GALNT5: variants seen among roughly 807,000 people sequenced by gnomAD.
GALNT5 encodes the protein UDP-GalNAc:polypeptide N-acetylgalactosaminyltransferase 5.
Under a neutral mutation model 85.4 loss-of-function variants are expected in GALNT5, and 72 were observed. That is an observed-to-expected ratio of 0.84 (90% CI 0.70 to 1.03). The LOEUF is 1.03. GALNT5 is among the 50% of genes least tolerant of loss of function. The pLI is 0.00. For missense variants in GALNT5, 1,137 were observed against 1,135.5 expected, an observed-to-expected ratio of 1.00 and a Z score of -0.02; for synonymous variants, 404 against 397.0, an observed-to-expected ratio of 1.02 and a Z score of -0.21.
At chr2:157,288,968 T>C (rs532329737) in intron 3 of GALNT5, among the ~76,000 whole-genome samples, 26 of 152,304 alleles carry the variant, frequency 1.7e-4, no homozygotes, top group Admixed American at 1.4e-3. Context: ...AGGACTGGTA[T>C]CTGAACAACT....
At chr2:157,263,727 A>T (rs778468477) in intron 1 of GALNT5, among the ~76,000 whole-genome samples, 18 of 152,232 alleles carry the variant, frequency 1.2e-4, no homozygotes, top group Non-Finnish European at 2.1e-4. Flanking sequence ...ATACTACTTT[A>T]AAAATAATCA....
At chr2:157,270,796 T>C (rs1574014250) in intron 1 of GALNT5, among the ~76,000 whole-genome samples, 1 of 152,062 alleles carries the variant, frequency 6.6e-6, no homozygotes, top group Non-Finnish European at 1.5e-5. Context: ...AACACAATAA[T>C]AGAGAATAAT....
chr2:157,305,825 A>G lies in GALNT5; in HGVS notation c.2516A>G (p.Lys839Arg). The G allele has an allele frequency of 6.3e-7, 1 of 1,581,292 alleles. No individual in the cohort carries two copies. The highest frequency in any genetic ancestry group is 8.7e-7 in the Non-Finnish European group (1 of 1,150,152). The change falls in exon 8 of 10, where the codon AAA (lysine) becomes AGA (arginine). Residue 839 changes from lysine (K) to arginine (R), a missense_variant. Lys to Arg is a conservative substitution (Grantham distance 26). Transcript: ENST00000259056. The part of the protein sequence containing the change: ...TVILEDCDGS[K>R]ELQQFNYTWL... The stretch of plus-strand genomic sequence containing the variant: ...ATTCTGGAAGACTGCGATGGGAGCA[A>G]AGAGGTATGCTAAACTGTTTTCTAT...
At chr2:157,260,152 C>T (rs1378171400) in intron 1 of GALNT5, among the ~76,000 whole-genome samples, 1 of 152,158 alleles carries the variant, frequency 6.6e-6, no homozygotes, top group African/African-American at 2.4e-5. Context: ...GTCAATCAGT[C>T]CATGACCAGC....
At position 157,318,110 on chromosome 2, in the gene GALNT5, TTC is replaced by T. The variant is rs1486355177; in HGVS notation, c.*6764_*6765del. On this transcript the variant is annotated 3_prime_UTR_variant, in exon 10 of 10. Coordinates refer to ENST00000259056, the MANE Select transcript of GALNT5 (RefSeq NM_014568.3). ...GCCTTTCTCATACTGTCAAACATAT[TTC>T]TTCTTTATTATACTCTGGTGCTTTA... Among the ~76,000 whole-genome samples the T allele has an allele frequency of 1.3e-5, 2 of 152,074 alleles. No individual in the cohort carries two copies. The highest frequency in any genetic ancestry group is 4.8e-5 in the African/African-American group (2 of 41,430).
intron 1 of GALNT5, among the ~76,000 whole-genome samples, chr2:157,272,942 T>C (rs1441280136): frequency 1.3e-5 from 2 of 152,200 alleles, no homozygotes; most frequent in Admixed American, 1.3e-4. Flanking sequence ...AACTGCCTTC[T>C]ACAGTGGCTA....
intron 1 of GALNT5, among the ~76,000 whole-genome samples, chr2:157,278,121 C>A (rs1188407934): frequency 6.6e-6 from 1 of 152,166 alleles, no homozygotes; most frequent in Non-Finnish European, 1.5e-5. Context: ...GTTGAAAGTT[C>A]TTTTCTTTAA....
Position 157,297,233 on chromosome 2 carries a change from C to A in GALNT5, c.1997+720C>A, listed in dbSNP as rs76424519. Among the ~76,000 whole-genome samples, 1,084 of 152,246 alleles carry A rather than the reference C, an allele frequency of 7.1e-3. 12 individuals carry two copies. The highest frequency in any genetic ancestry group is 0.025 in the African/African-American group (1,044 of 41,534). On this transcript the variant is annotated intron_variant, in intron 5 of 9. Transcript: ENST00000259056. The stretch of plus-strand genomic sequence containing the variant: ...GCCAAGCCCAGACCGTGCACCGAAG[C>A]GTGTTTTCCCCAAACTTACCCCTCA...
chr2:157,262,973 A>G (rs1046674453), intron 1 of GALNT5, among the ~76,000 whole-genome samples: 5 of 150,800 alleles, frequency 3.3e-5, no homozygotes, highest in South Asian at 2.1e-4. Flanking sequence ...GACTACAGGC[A>G]CCCGCCACCA....
At position 157,299,559 on chromosome 2, in the gene GALNT5, T is replaced by C; in HGVS notation, c.2009T>C (p.Met670Thr). 6.2e-7 allele frequency: 1 copy of C among 1,606,162 alleles called. No homozygotes were observed. The highest frequency in any genetic ancestry group is 8.5e-7 in the Non-Finnish European group (1 of 1,173,326). Residue 670 changes from methionine (M) to threonine (T), a missense_variant, in exon 6 of 10, where the codon ATG (methionine) becomes ACG (threonine). Coordinates refer to ENST00000259056, the MANE Select transcript of GALNT5 (RefSeq NM_014568.3). ...KETDTIRCPV[M>T]AGGLFSIDKS... ...TTTTCTTTTTGTAGGTGCCCTGTCA[T>C]GGCTGGTGGATTGTTTTCTATTGAC...
intron 1 of GALNT5, among the ~76,000 whole-genome samples, chr2:157,278,118 GTTCTT>G (rs1486492695): frequency 1.3e-5 from 2 of 152,116 alleles, no homozygotes; most frequent in African/African-American, 4.8e-5. Flanking sequence ...TGGGTTGAAA[GTTCTT>G]TTCTTTAAGA....
rs566209019 is a variant in GALNT5, at chr2:157,313,580, A to C, written c.*2232A>C. On this transcript the variant is annotated 3_prime_UTR_variant, in exon 10 of 10. Coordinates refer to ENST00000259056, the MANE Select transcript of GALNT5 (RefSeq NM_014568.3). ...GCCTCATGTAATTCTTCATGTAACT[A>C]AAAAATGTTGAGAGGTTTTTTTCCC... 1.3e-5 allele frequency: 2 copies of C among 152,226 alleles called. No individual in the cohort carries two copies. Among genetic ancestry groups the C allele is most frequent in the African/African-American group, 4.8e-5 (2 of 41,472 alleles). 9.4% of individuals were successfully genotyped at this position (152,226 alleles called of 1,614,324 possible).
intron 6 of GALNT5, among the ~76,000 whole-genome samples, 154 bp downstream of exon 6, chr2:157,299,819 G>C (rs1180680205): frequency 1.3e-5 from 2 of 152,100 alleles, no homozygotes; most frequent in Non-Finnish European, 2.9e-5. Context: ...TCATATCTCA[G>C]ATTGAATTTG....
At chr2:157,287,599 T>C (rs1276755426) in intron 3 of GALNT5, among the ~76,000 whole-genome samples, 1 of 152,236 alleles carries the variant, frequency 6.6e-6, no homozygotes, top group Non-Finnish European at 1.5e-5. Context: ...GATTTCGTAA[T>C]GTTTTAATTC....
At chr2:157,303,820 A>C (rs1042421655) in intron 7 of GALNT5, among the ~76,000 whole-genome samples, 1 of 152,240 alleles carries the variant, frequency 6.6e-6, no homozygotes, top group South Asian at 2.1e-4. Flanking sequence ...AGGATTATAC[A>C]AAATAGACAC....
intron 1 of GALNT5, among the ~76,000 whole-genome samples, chr2:157,273,555 C>T (rs1682642069): frequency 7.3e-6 from 1 of 137,266 alleles, no homozygotes; most frequent in East Asian, 2.4e-4. Context: ...TCTGTAAATT[C>T]AAAATAAACC....
At chr2:157,275,426 G>A (rs1478349828) in intron 1 of GALNT5, among the ~76,000 whole-genome samples, 1 of 152,136 alleles carries the variant, frequency 6.6e-6, no homozygotes, top group Non-Finnish European at 1.5e-5. Flanking sequence ...TGGGCAGTAT[G>A]GCCATTTTCA....
At chr2:157,290,112 T>TAC (rs1553462999) in intron 3 of GALNT5, among the ~76,000 whole-genome samples, 5 of 138,226 alleles carry the variant, frequency 3.6e-5, no homozygotes, top group African/African-American at 1.2e-4. Context: ...TATATATATA[T>TAC]ACATACACAA....
chr2:157,305,032 T>C (rs936791929), intron 7 of GALNT5, among the ~76,000 whole-genome samples: 5 of 152,176 alleles, frequency 3.3e-5, no homozygotes, highest in African/African-American at 1.2e-4. Context: ...AAACCCTAAG[T>C]TGCACTGTTA....
Sources: allele counts gnomAD v4.1 joint callset (sites outside exome capture counted in the v4.1 genomes callset), GRCh38; gene constraint gnomAD v4.1.1; transcripts MANE v1.5; gene names NCBI Gene and HGNC (gene_info 2026-07-23, HGNC 2026-07-21).